SPTLC2: variants seen among roughly 807,000 people sequenced by gnomAD.
SPTLC2 encodes serine palmitoyltransferase long chain base subunit 2.
In SPTLC2, 21 loss-of-function variants were observed where a neutral mutation model predicts 62.0. The observed-to-expected ratio is 0.34, with a 90% CI of 0.24 to 0.49. The LOEUF is 0.49. SPTLC2 is among the 20% of genes least tolerant of loss of function. The pLI, the probability that SPTLC2 is intolerant of heterozygous loss-of-function variation, is 0.99. For synonymous variants in SPTLC2, 261 were observed against 261.8 expected (o/e 1.00, Z 0.03); for missense variants, 511 against 713.0 (o/e 0.72, Z 3.23).
chr14:77,514,810 C>T (rs1362912579), intron 11 of SPTLC2, among the ~76,000 whole-genome samples: 3 of 152,176 alleles, frequency 2.0e-5, no homozygotes, highest in South Asian at 4.1e-4. Flanking sequence ...TCCTCACTCC[C>T]CCTCCTCTCA....
At chr14:77,609,319 G>C (rs2079922339) in intron 1 of SPTLC2, among the ~76,000 whole-genome samples, 1 of 152,082 alleles carries the variant, frequency 6.6e-6, no homozygotes, top group Admixed American at 6.6e-5. Context: ...GTATTCTCCT[G>C]CATGTATTAG....
intron 5 of SPTLC2, among the ~76,000 whole-genome samples, chr14:77,564,426 C>T (rs1042457626): frequency 6.7e-6 from 1 of 148,298 alleles, no homozygotes; most frequent in Non-Finnish European, 1.5e-5. Flanking sequence ...CACACACACA[C>T]ACACACACAC....
chr14:77,509,922 A>G lies in SPTLC2; in HGVS notation c.*2362T>C. ...TTTTAAATGCCGGTACTGACATTTG[A>G]ATTTGCAGTGACTTCATGCAAGCCA... On this transcript the variant is annotated 3_prime_UTR_variant, in exon 12 of 12. Transcript: ENST00000216484. The G allele has an allele frequency of 2.5e-6, 1 of 398,450 alleles. No individual in the cohort carries two copies. The highest frequency in any genetic ancestry group is 4.4e-6 in the Non-Finnish European group (1 of 225,990). The allele number at this position is 398,450 out of a possible 1,614,324, so 24.7% of individuals were successfully genotyped here.
intron 1 of SPTLC2, among the ~76,000 whole-genome samples, chr14:77,598,083 T>C (rs552429322): frequency 7.4e-5 from 11 of 148,398 alleles, no homozygotes; most frequent in Admixed American, 5.4e-4. Context: ...GATCAAGCCA[T>C]TGCACTCCAG....
intron 11 of SPTLC2, among the ~76,000 whole-genome samples, chr14:77,516,413 G>C (rs2079360088): frequency 6.6e-6 from 1 of 152,088 alleles, no homozygotes; most frequent in Admixed American, 6.6e-5. Flanking sequence ...CATAGACACT[G>C]GTTATAGTTA....
At chr14:77,608,002 T>A (rs1054433475) in intron 1 of SPTLC2, among the ~76,000 whole-genome samples, 142 of 152,292 alleles carry the variant, frequency 9.3e-4, no homozygotes, top group African/African-American at 3.2e-3. Flanking sequence ...GCTGACACGT[T>A]TCCCCTTCCT....
rs2079575784 is a variant in SPTLC2, at chr14:77,555,163, CT to C, written c.1176+136del. ...GTTCAGTGAGGAGACATTAGAGTCACTCACTGGTATTATGAGCCTAAACCAG... is the reference window on the plus strand; with the variant it reads ...GTTCAGTGAGGAGACATTAGAGTCACCACTGGTATTATGAGCCTAAACCAG... On this transcript the variant is annotated intron_variant, in intron 8 of 11. Transcript: ENST00000216484. 5 of 878,108 alleles carry C rather than the reference CT, an allele frequency of 5.7e-6. No homozygotes were observed. The South Asian group carries it at 6.7e-5, about 12-fold the overall frequency. 54.4% of individuals were successfully genotyped at this position (878,108 alleles called of 1,614,324 possible).
chr14:77,552,069 C>T, intron 9 of SPTLC2, 27 bp downstream of exon 9: 8 of 1,613,078 alleles, frequency 5.0e-6, no homozygotes, highest in Non-Finnish European at 6.8e-6. Context: ...TGGACTTATG[C>T]AATGTTTCAA....
intron 2 of SPTLC2, among the ~76,000 whole-genome samples, chr14:77,584,812 C>T (rs756094347): frequency 6.6e-5 from 10 of 152,160 alleles, no homozygotes; most frequent in South Asian, 4.1e-4. Flanking sequence ...CACACACACA[C>T]TTAGGAGATG....
intron 9 of SPTLC2, among the ~76,000 whole-genome samples, chr14:77,530,763 C>A (rs1482760258): frequency 6.6e-6 from 1 of 152,156 alleles, no homozygotes; most frequent in East Asian, 1.9e-4. Flanking sequence ...AGACTTGACT[C>A]CCTGGTTCTT....
chr14:77,557,883 T>C (rs2079593459), intron 6 of SPTLC2, among the ~76,000 whole-genome samples: 1 of 152,128 alleles, frequency 6.6e-6, no homozygotes, highest in South Asian at 2.1e-4. Context: ...ATGATCATAA[T>C]TTCCTTGTTA....
intron 9 of SPTLC2, among the ~76,000 whole-genome samples, chr14:77,526,113 A>G (rs1037952385): frequency 9.8e-4 from 11 of 11,198 alleles, no homozygotes; most frequent in African/African-American, 1.1e-3. Context: ...CCTGGCATTT[A>G]CACGTTAGAA....
At chr14:77,535,812 C>T (rs1399853210) in intron 9 of SPTLC2, 3 of 347,462 alleles carry the variant, frequency 8.6e-6, no homozygotes. Flanking sequence ...GACTGGCTGG[C>T]TATTAAAACC....
intron 2 of SPTLC2, among the ~76,000 whole-genome samples, chr14:77,591,992 A>G (rs118069009): frequency 0.026 from 3,938 of 150,374 alleles, 90 homozygotes; most frequent in South Asian, 0.082. Context: ...CCAAAGTGCT[A>G]GGATTATAGA....
At chr14:77,538,185 T>G (rs1178186766) in intron 9 of SPTLC2, among the ~76,000 whole-genome samples, 1 of 152,176 alleles carries the variant, frequency 6.6e-6, no homozygotes, top group East Asian at 1.9e-4. Flanking sequence ...GCTTTTGAGG[T>G]TTTCCTTTAT....
At chr14:77,525,330 G>A (rs1362915860) in intron 9 of SPTLC2, among the ~76,000 whole-genome samples, 4 of 152,028 alleles carry the variant, frequency 2.6e-5, no homozygotes, top group Non-Finnish European at 5.9e-5. Context: ...GGTGGCTCAC[G>A]CCTGTAATCC....
chr14:77,602,802 G>C (rs187330266), intron 1 of SPTLC2, among the ~76,000 whole-genome samples: 46 of 152,188 alleles, frequency 3.0e-4, no homozygotes, highest in African/African-American at 1.0e-3. Flanking sequence ...TCAAACTCCT[G>C]GGCTCAAGCT....
rs1387913938 is a variant in SPTLC2 at position 77,512,031 on chromosome 14, G to A, written c.*253C>T. On this transcript the variant is annotated 3_prime_UTR_variant, in exon 12 of 12. Transcript: ENST00000216484. ...AAGTAGAATGGTTGCAAAATAAAATGTTTTTTTAATGGACTGAAAAAGCAA... is the reference window on the plus strand; with the variant it reads ...AAGTAGAATGGTTGCAAAATAAAATATTTTTTTAATGGACTGAAAAAGCAA... The A allele has an allele frequency of 1.9e-6, 1 of 513,010 alleles. No homozygotes were observed. Among genetic ancestry groups the A allele is most frequent in the Non-Finnish European group, 3.5e-6 (1 of 284,562 alleles). 31.8% of individuals were successfully genotyped at this position (513,010 alleles called of 1,614,324 possible).
chr14:77,582,048 A>AT (rs1010460512), intron 2 of SPTLC2, among the ~76,000 whole-genome samples: 228 of 135,398 alleles, frequency 1.7e-3, no homozygotes, highest in Non-Finnish European at 1.3e-3. Flanking sequence ...CTTTTTTTTA[A>AT]TTAAAAAAAA....
Sources: allele counts gnomAD v4.1 joint callset (sites outside exome capture counted in the v4.1 genomes callset), GRCh38; gene constraint gnomAD v4.1.1; transcripts MANE v1.5; gene names NCBI Gene and HGNC (gene_info 2026-07-23, HGNC 2026-07-21).